The following LRTM1 variants were observed in gnomAD, a reference collection of about 807,000 sequenced individuals.
The protein encoded by LRTM1 is leucine-rich repeat and transmembrane domain-containing protein 1.
LRTM1 carries 38 observed loss-of-function variants against 32.4 expected under a neutral mutation model. The observed-to-expected ratio is 1.17, with a 90% CI of 0.91 to 1.54. LRTM1 has a LOEUF of 1.54. Ranked by LOEUF, LRTM1 falls within the 40% of genes most tolerant of loss-of-function variation. The pLI, the probability that LRTM1 is intolerant of heterozygous loss-of-function variation, is 0.00. For synonymous variants in LRTM1, 186 were observed against 169.9 expected, an observed-to-expected ratio of 1.09 and a Z score of -0.74; for missense variants, 466 against 415.4, an observed-to-expected ratio of 1.12 and a Z score of -1.06.
chr3:54,938,497 C>G (rs1701383392), intron 1 of LRTM1, among the ~76,000 whole-genome samples: 1 of 152,068 alleles, frequency 6.6e-6, no homozygotes. Context: ...TAGATCCTTG[C>G]CATTTGCAAG....
Position 54,918,873 on chromosome 3 carries a change from G to A in LRTM1, c.624C>T (p.Ile208=). 3 of 1,548,554 alleles carry A rather than the reference G, an allele frequency of 1.9e-6. No individual in the cohort carries two copies. Among genetic ancestry groups the A allele is most frequent in the Non-Finnish European group, 2.6e-6 (3 of 1,146,298 alleles). The change falls in exon 3 of 3, where the codon ATC becomes ATT. Residue 208 remains isoleucine (I), a synonymous_variant. Coordinates refer to ENST00000273286, the MANE Select transcript of LRTM1 (RefSeq NM_020678.4). Reference sequence around the variant, plus strand: ...TCCAGGTGTCTGGTGATTCACAGATGATGCCGTCTGTTAGTCCCCCTTTAA... The same window carrying A: ...TCCAGGTGTCTGGTGATTCACAGATAATGCCGTCTGTTAGTCCCCCTTTAA... ...FVYKGGLTDG[I]ICESPDTWKG...
intron 1 of LRTM1, among the ~76,000 whole-genome samples, chr3:54,965,517 A>G (rs1341327257): frequency 6.6e-6 from 1 of 152,134 alleles, no homozygotes; most frequent in African/African-American, 2.4e-5. Context: ...CCAGTTCTTT[A>G]TGCCTCTAGT....
Position 54,918,483 on chromosome 3 carries a change from C to A in LRTM1, c.1014G>T (p.Glu338Asp). The change falls in exon 3 of 3, where the codon GAG becomes GAT. Residue 338 changes from glutamate (E) to aspartate (D), a missense_variant. Transcript: ENST00000273286. ...CTCAGGCTGGTGAGCTGTCAAATCGCTCTTTTTCTTCCACCTTCCCAGGAT... is the reference window on the plus strand; with the variant it reads ...CTCAGGCTGGTGAGCTGTCAAATCGATCTTTTTCTTCCACCTTCCCAGGAT... ...TNDPGKVEEK[E>D]RFDSSPA 1 of 1,605,628 alleles carries A rather than the reference C, an allele frequency of 6.2e-7. No homozygotes were observed. The highest frequency in any genetic ancestry group is 8.5e-7 in the Non-Finnish European group (1 of 1,176,294).
At chr3:54,958,589 G>T (rs1701959266) in intron 1 of LRTM1, among the ~76,000 whole-genome samples, 1 of 152,174 alleles carries the variant, frequency 6.6e-6, no homozygotes, top group Non-Finnish European at 1.5e-5. Context: ...TAAAGCAATA[G>T]TTATTATCTT....
Position 54,918,613 on chromosome 3 carries a change from A to ACG in LRTM1, c.883_884insCG (p.Val295AlafsTer9), listed in dbSNP as rs776970832. On this transcript the variant is annotated frameshift_variant, in exon 3 of 3. Coordinates refer to ENST00000273286, the MANE Select transcript of LRTM1 (RefSeq NM_020678.4). LOFTEE classifies it high-confidence loss of function. Reference sequence around the variant, plus strand: ...CATCATGAGACACACAATCCCACACACAACGCCAGTGATGATGACAGTGGC... The same window carrying ACG: ...CATCATGAGACACACAATCCCACACACGCAACGCCAGTGATGATGACAGTGGC... 1.9e-6 allele frequency: 3 copies of ACG among 1,614,080 alleles called. No individual in the cohort carries two copies. The East Asian group carries it at 6.7e-5, about 36-fold the overall frequency.
chr3:54,943,211 A>AAAG (rs1370991522), intron 1 of LRTM1, among the ~76,000 whole-genome samples: 3 of 151,606 alleles, frequency 2.0e-5, no homozygotes, highest in East Asian at 3.9e-4. Flanking sequence ...GGTAAAAAAA[A>AAAG]AAAAAATGAG....
chr3:54,932,863 T>C (rs1002127659), upstream of LRTM1, among the ~76,000 whole-genome samples: 3 of 151,990 alleles, frequency 2.0e-5, no homozygotes, highest in African/African-American at 4.8e-5. Context: ...TAGTGGGGAG[T>C]AGGCCCTTGG....
chr3:54,918,231 C>A lies in LRTM1; in HGVS notation c.*228G>T. On this transcript the variant is annotated 3_prime_UTR_variant, in exon 3 of 3. Coordinates refer to ENST00000273286, the MANE Select transcript of LRTM1 (RefSeq NM_020678.4). ...GAATCGTCGTAATAACTTCCCAGGC[C>A]CAGAGCACAAGTATCATCTTTATTT... 1 of 487,522 alleles carries A rather than the reference C, an allele frequency of 2.1e-6. No individual in the cohort carries two copies. The highest frequency in any genetic ancestry group is 3.6e-6 in the Non-Finnish European group (1 of 277,098). The allele number at this position is 487,522 out of a possible 1,614,324, so 30.2% of individuals were successfully genotyped here.
intron 1 of LRTM1, among the ~76,000 whole-genome samples, chr3:54,926,363 G>A (rs914678104): frequency 5.9e-5 from 9 of 152,086 alleles, no homozygotes; most frequent in Non-Finnish European, 8.8e-5. Context: ...TTCACACAGA[G>A]TATTATAGTA....
intron 1 of LRTM1, among the ~76,000 whole-genome samples, chr3:54,927,146 T>G (rs1264269015): frequency 6.6e-6 from 1 of 152,204 alleles, no homozygotes; most frequent in Non-Finnish European, 1.5e-5. Flanking sequence ...TTGCTTGTTT[T>G]GGGCCTTAAC....
At chr3:54,924,208 A>G (rs1700942475) in intron 2 of LRTM1, among the ~76,000 whole-genome samples, 1 of 152,222 alleles carries the variant, frequency 6.6e-6, no homozygotes, top group African/African-American at 2.4e-5. Flanking sequence ...AATGGGTAGA[A>G]GCAGACAAAG....
chr3:54,920,554 G>A (rs1434560425), intron 2 of LRTM1, among the ~76,000 whole-genome samples: 1 of 152,178 alleles, frequency 6.6e-6, no homozygotes, highest in Admixed American at 6.5e-5. Flanking sequence ...CAGAGCAGCT[G>A]CTCCAGATGA....
At chr3:54,932,981 G>C (rs1167276712), upstream of LRTM1, among the ~76,000 whole-genome samples, 1 of 152,020 alleles carries the variant, frequency 6.6e-6, no homozygotes, top group Admixed American at 6.5e-5. Flanking sequence ...ATGACCAAAC[G>C]GCACCCAGGT....
upstream of LRTM1, among the ~76,000 whole-genome samples, chr3:54,930,400 T>C (rs1701154842): frequency 1.3e-5 from 2 of 152,232 alleles, no homozygotes; most frequent in Admixed American, 1.3e-4. Flanking sequence ...GGCACTCTAC[T>C]TACCAGCTTT....
chr3:54,953,384 G>A (rs9839256), intron 1 of LRTM1, among the ~76,000 whole-genome samples: 8,764 of 152,004 alleles, frequency 0.058, 702 homozygotes, highest in African/African-American at 0.18. Flanking sequence ...GGTGGGGCCC[G>A]GTAACACTAC....
chr3:54,933,056 CCTT>C (rs1559635628), upstream of LRTM1, among the ~76,000 whole-genome samples: 197 of 6,900 alleles, frequency 0.029, 1 homozygote, highest in Non-Finnish European at 0.045. Flanking sequence ...TCCCTCCCTT[CCTT>C]CCTTCCTTCC....
chr3:54,931,665 A>G (rs1701195090), upstream of LRTM1, among the ~76,000 whole-genome samples: 1 of 152,168 alleles, frequency 6.6e-6, no homozygotes, highest in Non-Finnish European at 1.5e-5. Flanking sequence ...CGTAGAGTAA[A>G]ATTGTGTTTA....
chr3:54,953,180 C>T (rs1323043135), intron 1 of LRTM1, among the ~76,000 whole-genome samples: 1 of 152,168 alleles, frequency 6.6e-6, no homozygotes, highest in Non-Finnish European at 1.5e-5. Context: ...AGGCTCATGA[C>T]ATACATTAGC....
chr3:54,955,049 TC>T (rs1235450023), intron 1 of LRTM1, among the ~76,000 whole-genome samples: 1 of 152,110 alleles, frequency 6.6e-6, no homozygotes, highest in Non-Finnish European at 1.5e-5. Flanking sequence ...TTGCTGAAAA[TC>T]AACTGACAAA....
Sources: gnomAD v4.1 joint callset for allele counts (sites outside exome capture counted in the v4.1 genomes callset) on GRCh38, gnomAD v4.1.1 for gene constraint, MANE v1.5 for transcripts, NCBI Gene and HGNC (gene_info 2026-07-23, HGNC 2026-07-21) for gene names.